Variants in CDH2 observed in about 807,000 individuals in gnomAD.
CDH2 encodes the protein cadherin-2.
CDH2 carries 17 observed loss-of-function variants against 92.0 expected under a neutral mutation model. The ratio of observed to expected loss-of-function variants is 0.18; its 90% CI spans 0.13 to 0.28. The LOEUF (loss-of-function observed/expected upper bound fraction) is 0.28. Among genes scored for constraint, CDH2 ranks in the 10% least tolerant of loss-of-function variants. CDH2 has a pLI of 1.00. For missense variants in CDH2, 862 were observed against 1,133.1 expected (o/e 0.76, Z 3.44); for synonymous variants, 419 against 415.9 (o/e 1.01, Z -0.09).
intron 2 of CDH2, among the ~76,000 whole-genome samples, chr18:28,046,045 A>G (rs957139272): frequency 2.0e-5 from 3 of 152,182 alleles, no homozygotes; most frequent in Non-Finnish European, 2.9e-5. Flanking sequence ...TGCCTTATTT[A>G]AGGTAGTCAA....
intron 2 of CDH2, among the ~76,000 whole-genome samples, chr18:28,115,271 G>A (rs942213584): frequency 6.6e-6 from 1 of 152,162 alleles, no homozygotes; most frequent in African/African-American, 2.4e-5. Flanking sequence ...ATTGCCCATA[G>A]CAACTACTTC....
chr18:27,950,086 T>C (rs1909376958), downstream of CDH2, among the ~76,000 whole-genome samples: 1 of 152,096 alleles, frequency 6.6e-6, no homozygotes, highest in East Asian at 1.9e-4. Flanking sequence ...TTAGTAAAAG[T>C]TTCATTATGG....
At chr18:28,040,498 A>T (rs545489327) in intron 2 of CDH2, among the ~76,000 whole-genome samples, 2 of 152,306 alleles carry the variant, frequency 1.3e-5, no homozygotes, top group East Asian at 1.9e-4. Context: ...ATTATGTTCC[A>T]ACAATCTGCA....
intron 2 of CDH2, among the ~76,000 whole-genome samples, chr18:28,078,624 A>G (rs914239711): frequency 6.6e-6 from 1 of 151,374 alleles, no homozygotes; most frequent in African/African-American, 2.4e-5. Flanking sequence ...AGCTATACTA[A>G]ATTCTCCCTT....
intron 2 of CDH2, among the ~76,000 whole-genome samples, chr18:28,090,934 T>C (rs913152887): frequency 1.3e-5 from 2 of 152,320 alleles, no homozygotes; most frequent in Admixed American, 6.5e-5. Flanking sequence ...AATTTCTATA[T>C]CCAATAGTGG....
At chr18:28,078,162 C>G (rs1275890027) in intron 2 of CDH2, among the ~76,000 whole-genome samples, 3 of 151,946 alleles carry the variant, frequency 2.0e-5, no homozygotes, top group Non-Finnish European at 4.4e-5. Flanking sequence ...AAATGAAGTT[C>G]AAAGTTAAAA....
At chr18:27,965,990 G>GAAAAAA (rs373927434) in intron 14 of CDH2, among the ~76,000 whole-genome samples, 5 of 58,652 alleles carry the variant, frequency 8.5e-5, no homozygotes, top group African/African-American at 2.2e-4. Context: ...TGTCTAAAAG[G>GAAAAAA]AAAAAAAAAA....
At chr18:27,946,473 A>T (rs17521874), downstream of CDH2, among the ~76,000 whole-genome samples, 493 of 152,184 alleles carry the variant, frequency 3.2e-3, 3 homozygotes, top group African/African-American at 0.011. Flanking sequence ...GGAAAATGTA[A>T]ATTGTGAAAC....
chr18:28,171,885 G>A (rs928669637), intron 1 of CDH2, among the ~76,000 whole-genome samples: 3 of 152,052 alleles, frequency 2.0e-5, no homozygotes, highest in African/African-American at 7.2e-5. Flanking sequence ...TCCTGCCCTG[G>A]ACACTAGCTC....
At chr18:27,984,901 G>A in intron 13 of CDH2, 99 bp downstream of exon 13, 1 of 853,730 alleles carries the variant, frequency 1.2e-6, no homozygotes, top group Admixed American at 2.3e-5. Context: ...AGGTCAAAGG[G>A]TTGTTAGACT....
intron 11 of CDH2, 104 bp from the exon 12 acceptor site, chr18:27,985,865 G>T: frequency 2.9e-6 from 2 of 682,270 alleles, no homozygotes; most frequent in South Asian, 1.9e-5. Flanking sequence ...CCTTTTAACT[G>T]TGTAACCTTG....
chr18:28,136,017 T>C (rs1293463665), intron 2 of CDH2, among the ~76,000 whole-genome samples: 2 of 152,208 alleles, frequency 1.3e-5, no homozygotes, highest in Non-Finnish European at 2.9e-5. Context: ...ATGTACAGAA[T>C]ATAAAGACTT....
At chr18:28,099,763 G>A (rs1280000224) in intron 2 of CDH2, among the ~76,000 whole-genome samples, 2 of 152,016 alleles carry the variant, frequency 1.3e-5, no homozygotes, top group African/African-American at 4.8e-5. Flanking sequence ...ATTAGAGAAA[G>A]CAAATAGCAA....
At chr18:28,083,640 T>C (rs1442777206) in intron 2 of CDH2, among the ~76,000 whole-genome samples, 5 of 152,192 alleles carry the variant, frequency 3.3e-5, no homozygotes, top group African/African-American at 1.2e-4. Context: ...GGCCAAGATT[T>C]AGTACACTAG....
intron 1 of CDH2, among the ~76,000 whole-genome samples, chr18:28,175,267 T>C (rs1025928128): frequency 6.6e-6 from 1 of 152,136 alleles, no homozygotes; most frequent in African/African-American, 2.4e-5. Flanking sequence ...AGGCCAAAAA[T>C]GTCTAGTCTA....
At chr18:28,146,544 A>T (rs1295413234) in intron 2 of CDH2, 1 of 152,138 alleles carries the variant, frequency 6.6e-6, no homozygotes, top group East Asian at 1.9e-4. Flanking sequence ...GCCTTAAAAA[A>T]ATTAAAAATC....
At chr18:27,985,868 T>C (rs2012216429) in intron 11 of CDH2, 107 bp from the exon 12 acceptor site, 3 of 675,254 alleles carry the variant, frequency 4.4e-6, no homozygotes, top group Non-Finnish European at 7.5e-6. Flanking sequence ...TTTAACTGTG[T>C]AACCTTGGAA....
intron 2 of CDH2, among the ~76,000 whole-genome samples, chr18:28,016,594 G>T (rs2013253876): frequency 6.6e-6 from 1 of 152,216 alleles, no homozygotes; most frequent in South Asian, 2.1e-4. Context: ...TGACTCCTGA[G>T]GTGGGAATCA....
chr18:28,038,519 C>T (rs1296109095), intron 2 of CDH2, among the ~76,000 whole-genome samples: 1 of 151,498 alleles, frequency 6.6e-6, no homozygotes. Flanking sequence ...TCATAAACTA[C>T]CCCAAAGGCC....
Sources: gnomAD v4.1 joint callset for allele counts (sites outside exome capture counted in the v4.1 genomes callset) on GRCh38, gnomAD v4.1.1 for gene constraint, MANE v1.5 for transcripts, NCBI Gene and HGNC (gene_info 2026-07-23, HGNC 2026-07-21) for gene names.